SYNE2: variants seen among roughly 807,000 people sequenced by gnomAD.
SYNE2 encodes the protein spectrin repeat containing nuclear envelope protein 2, also known as nesprin-2.
In SYNE2, 431 loss-of-function variants were observed where a neutral mutation model predicts 856.3. The observed-to-expected ratio is 0.50, with a 90% CI of 0.47 to 0.55. The LOEUF is 0.55. SYNE2 is among the 20% of genes least tolerant of loss of function. The pLI is 0.00. For missense variants in SYNE2, 8,129 were observed against 8,023.2 expected, an observed-to-expected ratio of 1.01 and a Z score of -0.50; for synonymous variants, 2,923 against 2,872.3, an observed-to-expected ratio of 1.02 and a Z score of -0.56.
Position 63,958,109 on chromosome 14 carries a change from T to C in SYNE2, c.787+3194T>C, listed in dbSNP as rs902151808. 7.9e-5 allele frequency among the ~76,000 whole-genome samples: 12 copies of C among 152,326 alleles called. No individual in the cohort carries two copies. In the South Asian group the frequency reaches 2.3e-3, roughly 29 times the overall value. ...TAGATTTATGGAAAAATTGAGAAGA[T>C]AGTGCAGTAAATTCCCATAAACCCT... On this transcript the variant is annotated intron_variant, in intron 8 of 115. Coordinates refer to ENST00000555002, the MANE Select transcript of SYNE2 (RefSeq NM_182914.3).
chr14:63,919,179 ATAAC>A (rs1490383143), intron 2 of SYNE2, among the ~76,000 whole-genome samples: 1 of 152,220 alleles, frequency 6.6e-6, no homozygotes, highest in African/African-American at 2.4e-5. Context: ...ATTGAGGTAA[ATAAC>A]TTCAATAAGC....
chr14:63,955,762 G>T (rs1464779664), intron 8 of SYNE2, among the ~76,000 whole-genome samples: 1 of 152,074 alleles, frequency 6.6e-6, no homozygotes, highest in African/African-American at 2.4e-5. Flanking sequence ...TAATTATAAC[G>T]TTTATGATAC....
chr14:64,100,549 T>TAG lies in SYNE2; in HGVS notation c.12382-1382_12382-1381insGA, dbSNP rs61531698. Among the ~76,000 whole-genome samples the TAG allele has an allele frequency of 4.1e-3, 399 of 97,804 alleles. 23 individuals are homozygous for TAG. Among genetic ancestry groups the TAG allele is most frequent in the East Asian group, 0.024 (87 of 3,610 alleles). 64.2% of individuals were successfully genotyped at this position (97,804 alleles called of 152,430 possible). A position where few individuals can be genotyped will look rare whatever the true frequency, so the allele number is the denominator to read the frequency against. Reference sequence around the variant, plus strand: ...AAAAAAAAATATATATATATATATATATATATATATATATATATATATTTA... The same window carrying TAG: ...AAAAAAAAATATATATATATATATATAGATATATATATATATATATATATTTA... On this transcript the variant is annotated intron_variant, in intron 63 of 115. Transcript: ENST00000555002.
chr14:64,074,317 G>A (rs961877726), intron 53 of SYNE2, among the ~76,000 whole-genome samples, 181 bp downstream of exon 53: 7 of 152,198 alleles, frequency 4.6e-5, no homozygotes, highest in Non-Finnish European at 8.8e-5. Context: ...AGATCAGTGT[G>A]GCTGGAGAGC....
At chr14:64,118,298 C>G (rs1202143027) in intron 66 of SYNE2, among the ~76,000 whole-genome samples, 3 of 152,168 alleles carry the variant, frequency 2.0e-5, no homozygotes, top group Admixed American at 6.5e-5. Flanking sequence ...AGAGGGCAAA[C>G]TTGATCTGTT....
chr14:64,002,551 T>C (rs760196418), intron 29 of SYNE2, among the ~76,000 whole-genome samples, 169 bp from the exon 30 acceptor site: 12 of 152,222 alleles, frequency 7.9e-5, no homozygotes, highest in Non-Finnish European at 1.5e-4. Flanking sequence ...AGCTGGCACA[T>C]TGATCATTTG....
chr14:63,992,940 A>T (rs1394593565), intron 21 of SYNE2, among the ~76,000 whole-genome samples: 1 of 152,106 alleles, frequency 6.6e-6, no homozygotes, highest in East Asian at 1.9e-4. Flanking sequence ...CTTCTCCCGG[A>T]GTTATTCATC....
intron 89 of SYNE2, among the ~76,000 whole-genome samples, chr14:64,164,529 A>G (rs561891150): frequency 6.6e-6 from 1 of 152,318 alleles, no homozygotes; most frequent in Non-Finnish European, 1.5e-5. Context: ...GATTACAAGC[A>G]TGAGCCACTG....
chr14:64,038,200 G>A (rs924483983), intron 45 of SYNE2, among the ~76,000 whole-genome samples: 3 of 151,794 alleles, frequency 2.0e-5, no homozygotes, highest in Non-Finnish European at 2.9e-5. Context: ...CATCTCAGAC[G>A]ATGGGCGGCC....
chr14:63,994,006 A>G, intron 22 of SYNE2, 37 bp downstream of exon 22: 3 of 1,608,258 alleles, frequency 1.9e-6, no homozygotes, highest in Non-Finnish European at 2.6e-6. Flanking sequence ...TTACGTTTTT[A>G]TATGTCTGAT....
At chr14:63,877,452 T>G (rs2094750887) in intron 1 of SYNE2, among the ~76,000 whole-genome samples, 1 of 152,228 alleles carries the variant, frequency 6.6e-6, no homozygotes, top group Non-Finnish European at 1.5e-5. Flanking sequence ...AGTTCCATTT[T>G]TCCTGCTGAG....
Position 64,202,893 on chromosome 14 carries a change from A to C in SYNE2, c.18131A>C (p.Glu6044Ala). The part of the protein sequence containing the change: ...LRTWLARIES[E>A]LSKPVVYDVC... Reference sequence around the variant, plus strand: ...ACCTGGTTGGCTCGAATTGAGTCTGAGCTTTCCAAGCCTGTTGTTTATGAT... The same window carrying C: ...ACCTGGTTGGCTCGAATTGAGTCTGCGCTTTCCAAGCCTGTTGTTTATGAT... Residue 6044 changes from glutamate (E) to alanine (A), a missense_variant, in exon 100 of 116, where the codon GAG becomes GCG. Transcript: ENST00000555002. 1 of 1,614,210 alleles carries C rather than the reference A, an allele frequency of 6.2e-7. No individual in the cohort carries two copies. The highest frequency in any genetic ancestry group is 8.5e-7 in the Non-Finnish European group (1 of 1,180,032).
In SYNE2 at chr14:63,983,788, A is replaced by T; in HGVS notation, c.2053A>T (p.Asn685Tyr). ...IKKQDQPTFDNSGNILSKEEK... is the reference protein window; with the variant it reads ...IKKQDQPTFDYSGNILSKEEK... ...AAAACAGGATCAGCCCACTTTTGAC[A>T]ATTCTGGAAATATTCTATCTAAAGA... The change falls in exon 18 of 116, where the codon AAT (asparagine) becomes TAT (tyrosine). Residue 685 changes from asparagine to tyrosine, a missense_variant. This residue lies in a region of SYNE2 where 2,422 missense variants were observed against 2,357.4 expected (regional missense o/e 1.03). Coordinates refer to ENST00000555002, the MANE Select transcript of SYNE2 (RefSeq NM_182914.3). 6.2e-7 allele frequency: 1 copy of T among 1,612,894 alleles called. No homozygotes were observed. The highest frequency in any genetic ancestry group is 8.5e-7 in the Non-Finnish European group (1 of 1,179,094).
intron 76 of SYNE2, among the ~76,000 whole-genome samples, 172 bp from the exon 77 acceptor site, chr14:64,132,093 C>G (rs2098027998): frequency 6.6e-6 from 1 of 152,138 alleles, no homozygotes; most frequent in African/African-American, 2.4e-5. Flanking sequence ...ACCACCATGC[C>G]TAGCTAATTT....
At chr14:64,087,645 A>C (rs1486861691) in intron 57 of SYNE2, 26 bp from the exon 58 acceptor site, 1 of 1,611,140 alleles carries the variant, frequency 6.2e-7, no homozygotes, top group African/African-American at 1.3e-5. Flanking sequence ...GTTTCTCTCT[A>C]TTTTTCCCAT....
Position 63,982,610 on chromosome 14 carries a change from G to T in SYNE2, c.1837-20G>T. The stretch of plus-strand genomic sequence containing the variant: ...CAATATCGTGTCATTAAGATAGTGT[G>T]TTGCTTGTGTATCATGTAGGTACCC... On this transcript the variant is annotated intron_variant, in intron 16 of 115. Coordinates refer to ENST00000555002, the MANE Select transcript of SYNE2 (RefSeq NM_182914.3). 6.2e-7 allele frequency: 1 copy of T among 1,609,374 alleles called. No individual in the cohort carries two copies. The highest frequency in any genetic ancestry group is 8.5e-7 in the Non-Finnish European group (1 of 1,176,650).
At chr14:63,966,258 G>A (rs1260724908) in intron 10 of SYNE2, among the ~76,000 whole-genome samples, 1 of 151,870 alleles carries the variant, frequency 6.6e-6, no homozygotes, top group Non-Finnish European at 1.5e-5. Context: ...GCTCATGTCT[G>A]TAATCTCAGC....
At chr14:63,881,058 C>G (rs547488375) in intron 1 of SYNE2, among the ~76,000 whole-genome samples, 1 of 151,878 alleles carries the variant, frequency 6.6e-6, no homozygotes, top group Non-Finnish European at 1.5e-5. Flanking sequence ...CCATATTGGC[C>G]AGGCTGGTCT....
intron 1 of SYNE2, among the ~76,000 whole-genome samples, chr14:63,836,993 T>C (rs1889878164): frequency 6.6e-6 from 1 of 152,290 alleles, no homozygotes; most frequent in South Asian, 2.1e-4. Flanking sequence ...ATCAATCCAT[T>C]CTTTCATCTT....
Sources: gnomAD v4.1 joint callset for allele counts (sites outside exome capture counted in the v4.1 genomes callset) on GRCh38, gnomAD v4.1.1 for gene constraint, gnomAD v4.1.1 regional missense constraint, MANE v1.5 for transcripts, NCBI Gene and HGNC (gene_info 2026-07-23, HGNC 2026-07-21) for gene names.